GALNT13: variants seen among roughly 807,000 people sequenced by gnomAD.
GALNT13 encodes polypeptide N-acetylgalactosaminyltransferase 13.
GALNT13 carries 28 observed loss-of-function variants against 64.2 expected under a neutral mutation model. That is an observed-to-expected ratio of 0.44 (90% CI 0.32 to 0.60). The LOEUF (loss-of-function observed/expected upper bound fraction) is 0.60. Ranked by LOEUF, GALNT13 falls within the 20% of genes least tolerant of loss-of-function variation. GALNT13 has a pLI of 0.05. For missense variants in GALNT13, 577 were observed against 669.8 expected (o/e 0.86, Z 1.53); for synonymous variants, 214 against 224.6 (o/e 0.95, Z 0.42).
At chr2:153,318,393 A>G in the GALNT13 span, among the ~76,000 whole-genome samples, 1 of 152,190 alleles carries the variant, frequency 6.6e-6, no homozygotes, top group Non-Finnish European at 1.5e-5. Context: ...AAACCAAGCC[A>G]ATCAGAGTAG....
At chr2:154,246,523 G>A (rs145583169) in intron 7 of GALNT13, among the ~76,000 whole-genome samples, 1 of 151,988 alleles carries the variant, frequency 6.6e-6, no homozygotes, top group African/African-American at 2.4e-5. Flanking sequence ...AGTAAAATAT[G>A]CACTTACTTG....
chr2:153,772,723 G>A, the GALNT13 span, among the ~76,000 whole-genome samples: 7 of 152,106 alleles, frequency 4.6e-5, no homozygotes, highest in African/African-American at 1.4e-4. Context: ...TAGTCTTCAA[G>A]TCCTTGCAGT....
At chr2:153,558,728 C>T in the GALNT13 span, among the ~76,000 whole-genome samples, 13 of 152,114 alleles carry the variant, frequency 8.5e-5, no homozygotes, top group African/African-American at 2.4e-4. Context: ...GGATAACTTC[C>T]GTTAAAATTT....
At chr2:153,143,731 C>T in the GALNT13 span, among the ~76,000 whole-genome samples, 1 of 151,956 alleles carries the variant, frequency 6.6e-6, no homozygotes, top group Admixed American at 6.6e-5. Flanking sequence ...TTGTTTTCTC[C>T]TGTGCTGTAT....
chr2:154,065,765 A>G (rs570383005), intron 3 of GALNT13, among the ~76,000 whole-genome samples: 72 of 152,320 alleles, frequency 4.7e-4, no homozygotes, highest in African/African-American at 1.7e-3. Flanking sequence ...GACAGGTATG[A>G]ACAAGCCCAG....
chr2:153,585,447 C>G, the GALNT13 span, among the ~76,000 whole-genome samples: 8 of 152,264 alleles, frequency 5.3e-5, no homozygotes, highest in South Asian at 1.7e-3. Context: ...GTTGAACACA[C>G]TCATGAATTA....
chr2:153,406,016 C>T, the GALNT13 span, among the ~76,000 whole-genome samples: 3 of 152,186 alleles, frequency 2.0e-5, no homozygotes, highest in Admixed American at 6.5e-5. Flanking sequence ...CCTCCCTGAT[C>T]CCTGAACTAG....
chr2:153,509,157 G>A, the GALNT13 span, among the ~76,000 whole-genome samples: 1 of 152,238 alleles, frequency 6.6e-6, no homozygotes, highest in Non-Finnish European at 1.5e-5. Flanking sequence ...CTGTGTGTGG[G>A]GAGAGGCCAG....
the GALNT13 span, among the ~76,000 whole-genome samples, chr2:153,507,044 CT>C: frequency 6.6e-6 from 1 of 152,012 alleles, no homozygotes; most frequent in East Asian, 1.9e-4. Context: ...TTTTAAAATT[CT>C]TTTTTCTTTG....
chr2:153,759,028 G>A, the GALNT13 span, among the ~76,000 whole-genome samples: 2 of 152,246 alleles, frequency 1.3e-5, no homozygotes, highest in African/African-American at 4.8e-5. Flanking sequence ...TTGGTTAAAT[G>A]TATTTCTAAG....
At chr2:154,423,853 C>G (rs1279588236) in intron 11 of GALNT13, among the ~76,000 whole-genome samples, 1 of 152,134 alleles carries the variant, frequency 6.6e-6, no homozygotes, top group Non-Finnish European at 1.5e-5. Context: ...TTGGCAAATA[C>G]TACCTTGAGT....
At chr2:153,579,516 C>T in the GALNT13 span, among the ~76,000 whole-genome samples, 2 of 151,972 alleles carry the variant, frequency 1.3e-5, no homozygotes, top group East Asian at 3.9e-4. Context: ...TATAAAATAA[C>T]CACACATTTG....
chr2:153,361,763 GAGA>G, the GALNT13 span, among the ~76,000 whole-genome samples: 1 of 152,230 alleles, frequency 6.6e-6, no homozygotes, highest in East Asian at 1.9e-4. Context: ...GTACCTGAAA[GAGA>G]AGGAGAGAAA....
the GALNT13 span, among the ~76,000 whole-genome samples, chr2:153,276,862 A>AT: frequency 6.6e-6 from 1 of 152,106 alleles, no homozygotes; most frequent in Non-Finnish European, 1.5e-5. Flanking sequence ...TCTAGTGCAC[A>AT]TTTTTTAAAA....
chr2:153,411,561 C>T, the GALNT13 span, among the ~76,000 whole-genome samples: 1 of 152,080 alleles, frequency 6.6e-6, no homozygotes, highest in Non-Finnish European at 1.5e-5. Flanking sequence ...AGAACTGAAA[C>T]ACTTCAGGTG....
chr2:153,237,838 G>A, the GALNT13 span, among the ~76,000 whole-genome samples: 1 of 151,950 alleles, frequency 6.6e-6, no homozygotes, highest in African/African-American at 2.4e-5. Context: ...TTTCTTTTGG[G>A]TATATATACC....
intron 4 of GALNT13, among the ~76,000 whole-genome samples, chr2:154,145,268 C>A (rs922500765): frequency 8.6e-5 from 13 of 151,554 alleles, no homozygotes; most frequent in African/African-American, 3.1e-4. Context: ...AATAGCCTAT[C>A]TGATTCAGAA....
the GALNT13 span, among the ~76,000 whole-genome samples, chr2:153,757,541 C>CT: frequency 6.6e-6 from 1 of 152,004 alleles, no homozygotes; most frequent in African/African-American, 2.4e-5. Flanking sequence ...TGTATTTTTA[C>CT]TTTTTTCAGG....
chr2:154,066,884 A>C (rs1481481734), intron 3 of GALNT13, among the ~76,000 whole-genome samples: 1 of 152,156 alleles, frequency 6.6e-6, no homozygotes, highest in Non-Finnish European at 1.5e-5. Flanking sequence ...TATCTTAAGT[A>C]GAAAGATAAA....
Sources: gnomAD v4.1 joint callset for allele counts (sites outside exome capture counted in the v4.1 genomes callset) on GRCh38, gnomAD v4.1.1 for gene constraint, MANE v1.5 for transcripts, NCBI Gene and HGNC (gene_info 2026-07-23, HGNC 2026-07-21) for gene names.